CYRIA: variants seen among roughly 807,000 people sequenced by gnomAD.
The protein encoded by CYRIA is CYFIP-related Rac1 interactor A.
CYRIA carries 15 observed loss-of-function variants against 43.9 expected under a neutral mutation model. The observed-to-expected ratio is 0.34, with a 90% CI of 0.23 to 0.53. The LOEUF is 0.53. Ranked by LOEUF, CYRIA falls within the 20% of genes least tolerant of loss-of-function variation. The pLI is 0.94. For synonymous variants in CYRIA, 117 were observed against 136.0 expected, an observed-to-expected ratio of 0.86 and a Z score of 0.97; for missense variants, 236 against 394.2, an observed-to-expected ratio of 0.60 and a Z score of 3.40.
At chr2:16,621,969 A>G (rs77495946) in intron 2 of CYRIA, among the ~76,000 whole-genome samples, 119 of 152,282 alleles carry the variant, frequency 7.8e-4, no homozygotes, top group African/African-American at 2.7e-3. Context: ...CCTAGCACCA[A>G]GATAGTGCGA....
chr2:16,563,566 T>G (rs1036093040), intron 5 of CYRIA, among the ~76,000 whole-genome samples: 21 of 152,216 alleles, frequency 1.4e-4, no homozygotes, highest in Non-Finnish European at 1.5e-5. Flanking sequence ...TTTTAAAGCT[T>G]AAGGAAATAA....
intron 1 of CYRIA, among the ~76,000 whole-genome samples, chr2:16,647,930 C>CAGT (rs1669865739): frequency 6.6e-6 from 1 of 152,184 alleles, no homozygotes; most frequent in South Asian, 2.1e-4. Flanking sequence ...GCCACCACTA[C>CAGT]AGTAGTTTGA....
chr2:16,563,265 G>A (rs1000435588), intron 5 of CYRIA, among the ~76,000 whole-genome samples: 2 of 152,130 alleles, frequency 1.3e-5, no homozygotes, highest in African/African-American at 4.8e-5. Context: ...TGGAAAACGG[G>A]TTTGGTTCAT....
At position 16,584,771 on chromosome 2, in the gene CYRIA, C is replaced by A. The variant is rs566063607; in HGVS notation, c.70+3279G>T. 1.2e-4 allele frequency among the ~76,000 whole-genome samples: 19 copies of A among 152,222 alleles called. No homozygotes were observed. The South Asian group carries it at 3.9e-3, about 32-fold the overall frequency. On this transcript the variant is annotated intron_variant, in intron 3 of 11. Coordinates refer to ENST00000381323, the MANE Select transcript of CYRIA (RefSeq NM_030797.4). ...TCCATGCCTTTAATCATACTGTTTC[C>A]ATCTGCTAAAAAACTCTCCCTATCT...
intron 3 of CYRIA, 102 bp from the exon 4 acceptor site, chr2:16,565,869 C>T (rs1666911452): frequency 1.7e-6 from 2 of 1,153,960 alleles, no homozygotes; most frequent in Non-Finnish European, 2.3e-6. Flanking sequence ...CTATCATATT[C>T]CTGCTGCTCT....
intron 10 of CYRIA, 140 bp downstream of exon 10, chr2:16,559,320 G>GGACA (rs1558400907): frequency 3.0e-6 from 3 of 1,012,912 alleles, no homozygotes; most frequent in Non-Finnish European, 4.3e-6. Context: ...CTTGCTGTGA[G>GGACA]GACAGCTGCC....
chr2:16,629,153 G>A (rs947905640), intron 1 of CYRIA, among the ~76,000 whole-genome samples: 1 of 152,128 alleles, frequency 6.6e-6, no homozygotes, highest in African/African-American at 2.4e-5. Flanking sequence ...TGGAGAAACC[G>A]CAGTCTACTG....
chr2:16,575,877 TA>T (rs1221153143), intron 3 of CYRIA, among the ~76,000 whole-genome samples: 4 of 109,076 alleles, frequency 3.7e-5, no homozygotes, highest in South Asian at 5.9e-4. Context: ...AATAAATAAA[TA>T]AAATAAATAA....
chr2:16,619,539 G>A (rs1668927096), intron 2 of CYRIA, among the ~76,000 whole-genome samples: 1 of 152,190 alleles, frequency 6.6e-6, no homozygotes, highest in Admixed American at 6.5e-5. Flanking sequence ...GAGAGCTATG[G>A]TGTAATCCAT....
At chr2:16,578,056 C>T (rs891629214) in intron 3 of CYRIA, among the ~76,000 whole-genome samples, 5 of 152,196 alleles carry the variant, frequency 3.3e-5, no homozygotes, top group African/African-American at 9.6e-5. Flanking sequence ...GAAACGCCAT[C>T]CTGAGAATCA....
At chr2:16,619,517 A>C (rs1668925783) in intron 2 of CYRIA, among the ~76,000 whole-genome samples, 1 of 152,168 alleles carries the variant, frequency 6.6e-6, no homozygotes, top group Non-Finnish European at 1.5e-5. Flanking sequence ...GTAAAGCTGC[A>C]TTTTACCACC....
At chr2:16,649,655 TACAGCACAGGGA>T (rs954744607) in intron 1 of CYRIA, among the ~76,000 whole-genome samples, 14 of 151,794 alleles carry the variant, frequency 9.2e-5, no homozygotes, top group African/African-American at 3.4e-4. Context: ...GGCATGATTG[TACAGCACAGGGA>T]ACAGTTACAG....
intron 1 of CYRIA, among the ~76,000 whole-genome samples, chr2:16,644,279 C>A (rs1203016547): frequency 2.0e-5 from 3 of 152,146 alleles, no homozygotes; most frequent in African/African-American, 7.2e-5. Flanking sequence ...GGTAGAGAGC[C>A]GATGTGAGTG....
intron 3 of CYRIA, among the ~76,000 whole-genome samples, chr2:16,566,028 G>A (rs1260190672): frequency 6.6e-6 from 1 of 152,132 alleles, no homozygotes. Context: ...ACTTATTTAT[G>A]TGGAACAATT....
chr2:16,626,463 C>A (rs1669169430), intron 1 of CYRIA, among the ~76,000 whole-genome samples: 1 of 152,178 alleles, frequency 6.6e-6, no homozygotes, highest in Non-Finnish European at 1.5e-5. Flanking sequence ...CCCACCTTCT[C>A]CCACCTTACA....
intron 2 of CYRIA, among the ~76,000 whole-genome samples, chr2:16,615,342 C>T (rs548358495): frequency 6.6e-6 from 1 of 152,288 alleles, no homozygotes; most frequent in East Asian, 1.9e-4. Flanking sequence ...TAGGATTGGT[C>T]CCGAAATCCG....
At chr2:16,559,424 C>G (rs746826357) in intron 10 of CYRIA, 36 bp downstream of exon 10, 1 of 1,601,644 alleles carries the variant, frequency 6.2e-7, no homozygotes, top group South Asian at 1.1e-5. Flanking sequence ...ATTCATGGGC[C>G]CTTATTTGGA....
chr2:16,554,657 A>G (rs1666440179), intron 11 of CYRIA, among the ~76,000 whole-genome samples: 1 of 152,180 alleles, frequency 6.6e-6, no homozygotes, highest in Non-Finnish European at 1.5e-5. Flanking sequence ...AGTGTTTTCA[A>G]AAGGTACCCA....
At chr2:16,638,986 A>C (rs1251613197) in intron 1 of CYRIA, among the ~76,000 whole-genome samples, 1 of 152,252 alleles carries the variant, frequency 6.6e-6, no homozygotes. Flanking sequence ...GAAAACGACA[A>C]ACTTACATAA....
Sources: gnomAD v4.1 joint callset for allele counts (sites outside exome capture counted in the v4.1 genomes callset) on GRCh38, gnomAD v4.1.1 for gene constraint, MANE v1.5 for transcripts, NCBI Gene and HGNC (gene_info 2026-07-23, HGNC 2026-07-21) for gene names.